ALX4: variants seen among roughly 807,000 people sequenced by gnomAD.
ALX4 encodes homeobox protein aristaless-like 4.
A neutral mutation model predicts 40.6 loss-of-function variants in ALX4; 22 were observed. The observed-to-expected ratio is 0.54, with a 90% CI of 0.39 to 0.77. The LOEUF is 0.77. Among genes scored for constraint, ALX4 ranks in the 30% least tolerant of loss-of-function variants. The pLI, the probability that ALX4 is intolerant of heterozygous loss-of-function variation, is 0.00. For missense variants in ALX4, 556 were observed against 564.8 expected (o/e 0.98, Z 0.16); for synonymous variants, 266 against 240.5 (o/e 1.11, Z -0.98).
At chr11:44,298,306 G>A (rs1396195946) in intron 1 of ALX4, among the ~76,000 whole-genome samples, 1 of 152,180 alleles carries the variant, frequency 6.6e-6, no homozygotes, top group African/African-American at 2.4e-5. Context: ...ACGGGTGGAC[G>A]GAATCATGGG....
chr11:44,289,273 C>A (rs1009148842), intron 1 of ALX4, among the ~76,000 whole-genome samples: 1 of 152,186 alleles, frequency 6.6e-6, no homozygotes, highest in Admixed American at 6.5e-5. Context: ...AAGATACCAT[C>A]CCCTCACCCC....
intron 1 of ALX4, among the ~76,000 whole-genome samples, chr11:44,278,831 G>A (rs992347000): frequency 6.6e-6 from 1 of 152,210 alleles, no homozygotes; most frequent in Non-Finnish European, 1.5e-5. Context: ...GACCTGGGGA[G>A]GGGAGGAGAG....
intron 1 of ALX4, among the ~76,000 whole-genome samples, chr11:44,305,463 C>T (rs1956461076): frequency 6.6e-6 from 1 of 152,224 alleles, no homozygotes; most frequent in South Asian, 2.1e-4. Flanking sequence ...CAGTCCCAGG[C>T]TCGAGTTTTC....
At chr11:44,299,642 G>A (rs534895831) in intron 1 of ALX4, among the ~76,000 whole-genome samples, 1 of 152,288 alleles carries the variant, frequency 6.6e-6, no homozygotes, top group South Asian at 2.1e-4. Flanking sequence ...TTACGGGCAT[G>A]AGCCACTGCA....
At chr11:44,294,243 GCCA>G (rs904362892) in intron 1 of ALX4, among the ~76,000 whole-genome samples, 62 of 152,282 alleles carry the variant, frequency 4.1e-4, no homozygotes, top group African/African-American at 1.4e-3. Flanking sequence ...TCCAGGTGTG[GCCA>G]AGGGCAATGC....
At chr11:44,267,666 G>T in intron 2 of ALX4, 44 bp from the exon 3 acceptor site, 3 of 1,612,960 alleles carry the variant, frequency 1.9e-6, no homozygotes, top group Admixed American at 1.7e-5. Flanking sequence ...TGAGATGCCC[G>T]CCTGGAGGCC....
At chr11:44,299,354 G>GTTTTT (rs772070484) in intron 1 of ALX4, among the ~76,000 whole-genome samples, 29 of 113,074 alleles carry the variant, frequency 2.6e-4, no homozygotes, top group East Asian at 5.9e-4. Flanking sequence ...GGGGGCCATG[G>GTTTTT]TTTTTTTTTT....
intron 2 of ALX4, among the ~76,000 whole-genome samples, chr11:44,272,344 A>G (rs1956252950): frequency 6.6e-6 from 1 of 151,732 alleles, no homozygotes; most frequent in Admixed American, 6.6e-5. Flanking sequence ...TCTCTATTAA[A>G]TATACAAAAA....
intron 3 of ALX4, among the ~76,000 whole-genome samples, chr11:44,266,787 A>C (rs746482691): frequency 1.4e-4 from 22 of 152,078 alleles, no homozygotes; most frequent in Non-Finnish European, 2.6e-4. Flanking sequence ...AATACTTCTC[A>C]TCCCTTGCAT....
In ALX4 at chr11:44,261,699, T is replaced by C. The variant is rs1323009937; in HGVS notation, c.*3155A>G. The C allele has an allele frequency of 6.6e-6, 1 of 152,232 alleles. No homozygotes were observed. The highest frequency in any genetic ancestry group is 2.4e-5 in the African/African-American group (1 of 41,456). 9.4% of individuals were successfully genotyped at this position (152,232 alleles called of 1,614,324 possible). On this transcript the variant is annotated 3_prime_UTR_variant, in exon 4 of 4. Coordinates refer to ENST00000652299, the MANE Select transcript of ALX4 (RefSeq NM_021926.4). ...CCTGTGCCCAGCAGGGACTGGAGGC[T>C]GTCAGTGTGGGGAGGCTGCCCATCC... is the stretch of plus-strand genomic sequence containing the variant.
intron 1 of ALX4, among the ~76,000 whole-genome samples, chr11:44,292,386 T>A (rs1202422167): frequency 4.1e-5 from 6 of 145,356 alleles, no homozygotes; most frequent in Admixed American, 6.9e-5. Flanking sequence ...AATTTTTTTT[T>A]TTTTTTTTTT....
rs1176631090 is a variant in ALX4, at chr11:44,262,356, C to T, written c.*2498G>A. ...GGACAGGCCTGGGGTACGTGGCTGC[C>T]TTTGACGAGATGAACAGGAATGTTT... On this transcript the variant is annotated 3_prime_UTR_variant, in exon 4 of 4. Transcript: ENST00000652299. 6.6e-6 allele frequency: 1 copy of T among 152,312 alleles called. No homozygotes were observed. Among genetic ancestry groups the T allele is most frequent in the Non-Finnish European group, 1.5e-5 (1 of 68,102 alleles). 9.4% of individuals were successfully genotyped at this position (152,312 alleles called of 1,614,324 possible). A position where few individuals can be genotyped will look rare whatever the true frequency, so the allele number is the denominator to read the frequency against.
At chr11:44,304,502 C>G (rs1196252072) in intron 1 of ALX4, among the ~76,000 whole-genome samples, 1 of 152,154 alleles carries the variant, frequency 6.6e-6, no homozygotes, top group Non-Finnish European at 1.5e-5. Context: ...GCGCCCCCCC[C>G]ATGAATCATC....
intron 1 of ALX4, among the ~76,000 whole-genome samples, chr11:44,305,543 T>C (rs1956461435): frequency 6.6e-6 from 1 of 152,246 alleles, no homozygotes. Context: ...CTGCCTTCTT[T>C]GGGTCGTCTC....
At chr11:44,292,188 T>A (rs1042679717) in intron 1 of ALX4, among the ~76,000 whole-genome samples, 8 of 151,940 alleles carry the variant, frequency 5.3e-5, no homozygotes, top group African/African-American at 1.9e-4. Context: ...TCCCCTTGGA[T>A]GAGAAAGGGA....
chr11:44,273,879 C>T (rs960385004), intron 2 of ALX4, among the ~76,000 whole-genome samples: 4 of 151,986 alleles, frequency 2.6e-5, no homozygotes, highest in South Asian at 2.1e-4. Flanking sequence ...ATTGAGCCCA[C>T]GAAGTTAAGG....
At chr11:44,293,322 T>A (rs1484323676) in intron 1 of ALX4, among the ~76,000 whole-genome samples, 1 of 152,096 alleles carries the variant, frequency 6.6e-6, no homozygotes, top group Non-Finnish European at 1.5e-5. Context: ...CTCACACTTG[T>A]AATCCCAGCA....
intron 1 of ALX4, among the ~76,000 whole-genome samples, chr11:44,278,446 C>A (rs1270619350): frequency 1.3e-5 from 2 of 152,204 alleles, no homozygotes; most frequent in Non-Finnish European, 2.9e-5. Flanking sequence ...CTCTGTCCAT[C>A]TTGTGGGGGG....
At chr11:44,300,422 G>A (rs1181108168) in intron 1 of ALX4, among the ~76,000 whole-genome samples, 3 of 152,212 alleles carry the variant, frequency 2.0e-5, no homozygotes, top group African/African-American at 7.2e-5. Flanking sequence ...GCTGGGATGT[G>A]AGCCAGGTGT....
Sources: allele counts gnomAD v4.1 joint callset (sites outside exome capture counted in the v4.1 genomes callset), GRCh38; gene constraint gnomAD v4.1.1; transcripts MANE v1.5; gene names NCBI Gene and HGNC (gene_info 2026-07-23, HGNC 2026-07-21).